CARMIL1: variants seen among roughly 807,000 people sequenced by gnomAD.
CARMIL1 encodes F-actin-uncapping protein LRRC16A.
In CARMIL1, 90 loss-of-function variants were observed where a neutral mutation model predicts 177.1. That is an observed-to-expected ratio of 0.51 (90% CI 0.43 to 0.61). The LOEUF (loss-of-function observed/expected upper bound fraction) is 0.61. CARMIL1 is among the 20% of genes least tolerant of loss of function. The pLI is 0.00. For synonymous variants in CARMIL1, 577 were observed against 606.2 expected (o/e 0.95, Z 0.71); for missense variants, 1,380 against 1,667.0 (o/e 0.83, Z 3.00).
intron 1 of CARMIL1, among the ~76,000 whole-genome samples, chr6:25,282,374 T>A (rs1328936600): frequency 6.6e-6 from 1 of 152,162 alleles, no homozygotes; most frequent in African/African-American, 2.4e-5. Context: ...AGGAGCTTTG[T>A]GAAGAACTCA....
At chr6:25,470,090 T>G (rs1800969517) in intron 9 of CARMIL1, among the ~76,000 whole-genome samples, 1 of 136,472 alleles carries the variant, frequency 7.3e-6, no homozygotes, top group African/African-American at 2.9e-5. Context: ...TACATAATGG[T>G]TTTTTTGACA....
intron 29 of CARMIL1, among the ~76,000 whole-genome samples, chr6:25,557,119 A>G (rs1229985188): frequency 3.9e-5 from 6 of 152,164 alleles, no homozygotes; most frequent in African/African-American, 1.4e-4. Context: ...TTTTTGTGAC[A>G]GGAAAATATC....
chr6:25,470,758 A>C (rs1219809745), intron 9 of CARMIL1, among the ~76,000 whole-genome samples: 1 of 152,202 alleles, frequency 6.6e-6, no homozygotes, highest in Non-Finnish European at 1.5e-5. Flanking sequence ...AAGGGGCAAG[A>C]TAGCTCTCTG....
intron 9 of CARMIL1, among the ~76,000 whole-genome samples, chr6:25,466,381 T>A (rs1332015942): frequency 6.6e-6 from 1 of 152,202 alleles, no homozygotes; most frequent in Non-Finnish European, 1.5e-5. Context: ...TAGTTAATGT[T>A]GATTTTCTAG....
intron 32 of CARMIL1, among the ~76,000 whole-genome samples, chr6:25,596,893 A>G (rs965635670): frequency 5.3e-5 from 8 of 151,976 alleles, no homozygotes; most frequent in Admixed American, 6.6e-5. Context: ...TCATGTACTT[A>G]GACACACACT....
intron 26 of CARMIL1, among the ~76,000 whole-genome samples, chr6:25,546,332 A>T (rs973755294): frequency 1.3e-5 from 2 of 152,168 alleles, no homozygotes; most frequent in Non-Finnish European, 2.9e-5. Flanking sequence ...ATGATGTCCT[A>T]CCTAGAAAAC....
Position 25,279,727 on chromosome 6 carries a change from T to C in CARMIL1, c.-69T>C, listed in dbSNP as rs368994643. The C allele has an allele frequency of 6.7e-7, 1 of 1,488,130 alleles. No individual in the cohort carries two copies. Among genetic ancestry groups the C allele is most frequent in the South Asian group, 1.1e-5 (1 of 88,440 alleles). 92.2% of individuals were successfully genotyped at this position (1,488,130 alleles called of 1,614,324 possible). On this transcript the variant is annotated 5_prime_UTR_variant, in exon 1 of 37. Transcript: ENST00000329474. ...CTGCCTCTCTAAAAAAATTGAGGAG[T>C]TCGGGGAAGGGCAGGGGGCCATAAA...
chr6:25,515,499 C>T lies in CARMIL1; in HGVS notation c.1633-176C>T, dbSNP rs184285701. Among the ~76,000 whole-genome samples, 14 of 152,316 alleles carry T rather than the reference C, an allele frequency of 9.2e-5. No homozygotes were observed. Among genetic ancestry groups the T allele is most frequent in the African/African-American group, 7.2e-5 (3 of 41,564 alleles). ...ACAAGTTCTCCATCTTTGACTCCAGCGGTCCATTTTGTGCCAGAACCTTAA... is the reference window on the plus strand; with the variant it reads ...ACAAGTTCTCCATCTTTGACTCCAGTGGTCCATTTTGTGCCAGAACCTTAA... On this transcript the variant is annotated intron_variant, in intron 20 of 36. Transcript: ENST00000329474. This position sits in a 1 kb window ranked among gnomAD's most constrained non-coding sequence, Gnocchi z 5.0.
intron 24 of CARMIL1, among the ~76,000 whole-genome samples, chr6:25,529,117 A>G (rs888377094): frequency 6.6e-6 from 1 of 152,246 alleles, no homozygotes; most frequent in South Asian, 2.1e-4. Flanking sequence ...AATTGCCAGT[A>G]AGATAGGTTT....
intron 2 of CARMIL1, among the ~76,000 whole-genome samples, chr6:25,323,550 C>T (rs1561983999): frequency 6.6e-6 from 1 of 152,076 alleles, no homozygotes; most frequent in African/African-American, 2.4e-5. Flanking sequence ...TTGAGGCTGC[C>T]ATGAGCTATG....
chr6:25,423,890 GTCTTCCTGCC>G (rs561562835), intron 3 of CARMIL1, among the ~76,000 whole-genome samples: 10 of 152,224 alleles, frequency 6.6e-5, no homozygotes, highest in African/African-American at 2.4e-4. Context: ...TTCTTAACTG[GTCTTCCTGCC>G]TCTTCCTGCC....
chr6:25,499,003 G>A (rs997980613), intron 16 of CARMIL1, among the ~76,000 whole-genome samples: 4 of 152,216 alleles, frequency 2.6e-5, no homozygotes, highest in Non-Finnish European at 4.4e-5. Context: ...AACAAGGTCA[G>A]GGAGTGGGAG....
chr6:25,595,021 C>G (rs1408100635), intron 32 of CARMIL1, among the ~76,000 whole-genome samples: 1 of 152,198 alleles, frequency 6.6e-6, no homozygotes, highest in Non-Finnish European at 1.5e-5. Flanking sequence ...ATTTAACAGA[C>G]AGTGTCAAAA....
chr6:25,349,768 G>T (rs7750545), intron 2 of CARMIL1, among the ~76,000 whole-genome samples: 14,864 of 144,436 alleles, frequency 0.1, 911 homozygotes, highest in African/African-American at 0.17. Context: ...CTTGTTCTGT[G>T]GCCAGGCTGG....
At chr6:25,389,389 C>T (rs1294098709) in intron 2 of CARMIL1, among the ~76,000 whole-genome samples, 2 of 152,022 alleles carry the variant, frequency 1.3e-5, no homozygotes, top group Non-Finnish European at 1.5e-5. Context: ...CTGTGTTGCC[C>T]AGGCTGCCCT....
At chr6:25,532,832 T>A (rs1807903947) in intron 24 of CARMIL1, among the ~76,000 whole-genome samples, 1 of 152,188 alleles carries the variant, frequency 6.6e-6, no homozygotes, top group South Asian at 2.1e-4. Context: ...GTATAGTAAA[T>A]ACTTTAGGCT....
chr6:25,463,872 G>C (rs921012380), intron 8 of CARMIL1, among the ~76,000 whole-genome samples: 25 of 143,448 alleles, frequency 1.7e-4, no homozygotes, highest in African/African-American at 6.2e-4. Context: ...GCCCAGGCTG[G>C]AGTGCAGTGG....
At chr6:25,511,939 T>C (rs1805496157) in intron 20 of CARMIL1, among the ~76,000 whole-genome samples, 1 of 152,220 alleles carries the variant, frequency 6.6e-6, no homozygotes, top group Non-Finnish European at 1.5e-5. Context: ...ATTTTGTTGC[T>C]CTTATGCTGG....
chr6:25,595,595 G>C (rs980374930), intron 32 of CARMIL1, among the ~76,000 whole-genome samples: 2 of 152,110 alleles, frequency 1.3e-5, no homozygotes, highest in Non-Finnish European at 2.9e-5. Context: ...TTGTGGGACT[G>C]CTCCTCCCAC....
Sources: allele counts gnomAD v4.1 joint callset (sites outside exome capture counted in the v4.1 genomes callset), GRCh38; gene constraint gnomAD v4.1.1; non-coding constraint Gnocchi (gnomAD v3.1); transcripts MANE v1.5; gene names NCBI Gene and HGNC (gene_info 2026-07-23, HGNC 2026-07-21).